TSPAN15: variants seen among roughly 807,000 people sequenced by gnomAD.
The protein encoded by TSPAN15 is tetraspanin 15.
TSPAN15 carries 20 observed loss-of-function variants against 34.5 expected under a neutral mutation model. The ratio of observed to expected loss-of-function variants is 0.58; its 90% CI spans 0.41 to 0.84. The LOEUF is 0.84. Ranked by LOEUF, TSPAN15 falls within the 40% of genes least tolerant of loss-of-function variation. The pLI is 0.00. For missense variants in TSPAN15, 313 were observed against 386.1 expected (o/e 0.81, Z 1.59); for synonymous variants, 155 against 153.9 (o/e 1.01, Z -0.05).
intron 3 of TSPAN15, among the ~76,000 whole-genome samples, chr10:69,492,008 G>A (rs1412590741): frequency 6.6e-6 from 1 of 152,244 alleles, no homozygotes; most frequent in Admixed American, 6.5e-5. Context: ...AAGCTAGAAA[G>A]GATAGTTCTT....
chr10:69,474,756 C>T (rs1018246108), intron 1 of TSPAN15, among the ~76,000 whole-genome samples: 1 of 152,148 alleles, frequency 6.6e-6, no homozygotes, highest in Non-Finnish European at 1.5e-5. Context: ...AAGCCCATAC[C>T]CAGAATTCCA....
the TSPAN15 span, among the ~76,000 whole-genome samples, chr10:69,539,294 A>G: frequency 6.6e-6 from 1 of 151,848 alleles, no homozygotes; most frequent in Non-Finnish European, 1.5e-5. Flanking sequence ...CACACTGGGT[A>G]TGGTGTACAC....
At chr10:69,527,544 G>A in the TSPAN15 span, among the ~76,000 whole-genome samples, 1 of 145,884 alleles carries the variant, frequency 6.9e-6, no homozygotes, top group African/African-American at 2.5e-5. Flanking sequence ...GCAGTGAGCC[G>A]AGATCGCACC....
chr10:69,455,576 TTCTTTCTTTCTTTC>T (rs1393162685), intron 1 of TSPAN15, among the ~76,000 whole-genome samples: 14 of 122,588 alleles, frequency 1.1e-4, no homozygotes, highest in African/African-American at 4.5e-4. Flanking sequence ...TCTTTCTCTT[TTCTTTCTTTCTTTC>T]TCTTTCTTTC....
the TSPAN15 span, among the ~76,000 whole-genome samples, chr10:69,539,563 G>GAAGAAGAAGA: frequency 3.0e-5 from 3 of 101,456 alleles, no homozygotes; most frequent in African/African-American, 3.4e-5. Context: ...GAAGGAGAAG[G>GAAGAAGAAGA]AGAAGAAGAC....
At chr10:69,483,658 G>GTC (rs772485018) in intron 1 of TSPAN15, 33 bp from the exon 2 acceptor site, 3 of 1,598,564 alleles carry the variant, frequency 1.9e-6, no homozygotes, top group Non-Finnish European at 2.6e-6. Context: ...AGTGACCTCA[G>GTC]TCTCTCTCTC....
the TSPAN15 span, among the ~76,000 whole-genome samples, chr10:69,525,820 CAAA>C: frequency 8.6e-6 from 1 of 115,772 alleles, no homozygotes; most frequent in Non-Finnish European, 1.8e-5. Flanking sequence ...GACTCTGTCT[CAAA>C]AAAAAAAAAA....
chr10:69,536,384 T>G, the TSPAN15 span, among the ~76,000 whole-genome samples: 4 of 152,198 alleles, frequency 2.6e-5, no homozygotes, highest in African/African-American at 9.6e-5. Flanking sequence ...GACACTATGC[T>G]AGGCATTGAA....
chr10:69,532,591 C>T, the TSPAN15 span, among the ~76,000 whole-genome samples: 6 of 152,218 alleles, frequency 3.9e-5, no homozygotes, highest in East Asian at 5.8e-4. Context: ...AAGATAACAT[C>T]GGACAAACCC....
chr10:69,534,514 A>T, the TSPAN15 span, among the ~76,000 whole-genome samples: 1 of 152,198 alleles, frequency 6.6e-6, no homozygotes, highest in Admixed American at 6.5e-5. Context: ...TTCAATAATC[A>T]TATCGGTGGT....
the TSPAN15 span, among the ~76,000 whole-genome samples, chr10:69,520,401 C>T: frequency 1.9e-3 from 296 of 152,332 alleles, 2 homozygotes; most frequent in African/African-American, 6.9e-3. Context: ...GTGGCTCACA[C>T]CTGTAATCTC....
intron 1 of TSPAN15, among the ~76,000 whole-genome samples, chr10:69,480,114 A>T (rs1361297594): frequency 6.6e-6 from 1 of 152,198 alleles, no homozygotes; most frequent in Non-Finnish European, 1.5e-5. Flanking sequence ...GGGAGCTTGT[A>T]AAAATAGAAG....
the TSPAN15 span, among the ~76,000 whole-genome samples, chr10:69,516,513 A>G: frequency 1.3e-5 from 2 of 152,326 alleles, no homozygotes; most frequent in Admixed American, 1.3e-4. Context: ...GAGGGTGGCC[A>G]TGACTTAGAT....
At chr10:69,539,458 AAGAAGGAGAAGG>A in the TSPAN15 span, among the ~76,000 whole-genome samples, 4 of 66,314 alleles carry the variant, frequency 6.0e-5, no homozygotes, top group African/African-American at 1.7e-4. Flanking sequence ...GAAGAAGAAG[AAGAAGGAGAAGG>A]AGAAGGAGAA....
chr10:69,492,901 C>A (rs1272250192), intron 3 of TSPAN15, among the ~76,000 whole-genome samples: 1 of 152,188 alleles, frequency 6.6e-6, no homozygotes, highest in Admixed American at 6.5e-5. Flanking sequence ...AGGACTGTGT[C>A]TGTGGTGCCT....
At chr10:69,456,672 C>A (rs1223180998) in intron 1 of TSPAN15, among the ~76,000 whole-genome samples, 1 of 152,122 alleles carries the variant, frequency 6.6e-6, no homozygotes, top group African/African-American at 2.4e-5. Context: ...TGACGCCTAC[C>A]CTCTCTGTTC....
At chr10:69,517,826 A>G in the TSPAN15 span, among the ~76,000 whole-genome samples, 8,490 of 152,286 alleles carry the variant, frequency 0.056, 316 homozygotes, top group Non-Finnish European at 0.076. Context: ...CCATGCATCC[A>G]ATGCCCTGTG....
At chr10:69,473,573 A>G (rs59224151) in intron 1 of TSPAN15, among the ~76,000 whole-genome samples, 9,397 of 152,108 alleles carry the variant, frequency 0.062, 1,002 homozygotes, top group African/African-American at 0.22. Context: ...TTTGAGGGGA[A>G]TTTCCATGGA....
chr10:69,495,947 C>G (rs1842070929), intron 4 of TSPAN15, among the ~76,000 whole-genome samples: 2 of 152,196 alleles, frequency 1.3e-5, no homozygotes, highest in African/African-American at 4.8e-5. Flanking sequence ...TCCAGTTACA[C>G]TGGCTTCCTG....
Sources: gnomAD v4.1 joint callset for allele counts (sites outside exome capture counted in the v4.1 genomes callset) on GRCh38, gnomAD v4.1.1 for gene constraint, MANE v1.5 for transcripts, NCBI Gene and HGNC (gene_info 2026-07-23, HGNC 2026-07-21) for gene names.